Variants in ATRNL1 observed in about 807,000 individuals in gnomAD.
ATRNL1 encodes the protein attractin like 1, also known as attractin-like protein 1.
A neutral mutation model predicts 182.7 loss-of-function variants in ATRNL1; 95 were observed. That is an observed-to-expected ratio of 0.52 (90% confidence interval 0.44 to 0.62). The LOEUF (loss-of-function observed/expected upper bound fraction) is 0.62. Among genes scored for constraint, ATRNL1 ranks in the 20% least tolerant of loss-of-function variants. The pLI, the probability that ATRNL1 is intolerant of heterozygous loss-of-function variation, is 0.00. For synonymous variants in ATRNL1, 576 were observed against 568.3 expected (o/e 1.01, Z -0.19); for missense variants, 1,471 against 1,679.5 (o/e 0.88, Z 2.17).
intron 27 of ATRNL1, among the ~76,000 whole-genome samples, chr10:115,837,466 CCACACACACACACACACACACA>C (rs71010052): frequency 0.03 from 4,116 of 135,036 alleles, 113 homozygotes; most frequent in Non-Finnish European, 0.042. Flanking sequence ...GCTTCCCAAG[CCACACACACACACACACACACA>C]CACACACACA....
chr10:115,406,941 A>G (rs1844860900), intron 20 of ATRNL1, among the ~76,000 whole-genome samples: 1 of 152,108 alleles, frequency 6.6e-6, no homozygotes, highest in South Asian at 2.1e-4. Context: ...CTCCATTATC[A>G]AGTAGTATTC....
intron 24 of ATRNL1, among the ~76,000 whole-genome samples, chr10:115,495,625 G>A (rs75148966): frequency 0.02 from 2,968 of 151,676 alleles, 64 homozygotes; most frequent in East Asian, 0.12. Flanking sequence ...TGATTTTATA[G>A]TTTCGAGTGA....
At chr10:115,452,427 G>T (rs1028411678) in intron 21 of ATRNL1, among the ~76,000 whole-genome samples, 9 of 151,904 alleles carry the variant, frequency 5.9e-5, no homozygotes, top group Admixed American at 2.6e-4. Flanking sequence ...AGCTGAAATT[G>T]ATTTTTATGT....
chr10:115,670,393 A>G (rs781977216), intron 26 of ATRNL1, among the ~76,000 whole-genome samples: 1 of 152,128 alleles, frequency 6.6e-6, no homozygotes, highest in Non-Finnish European at 1.5e-5. Context: ...CTGCAGTGAA[A>G]AAGAATGCAA....
At chr10:115,283,526 T>C (rs1852469185) in intron 14 of ATRNL1, among the ~76,000 whole-genome samples, 1 of 152,178 alleles carries the variant, frequency 6.6e-6, no homozygotes, top group Non-Finnish European at 1.5e-5. Context: ...TGTGCATGTG[T>C]GCTCATTTTG....
chr10:115,162,095 A>G (rs1400536888), intron 6 of ATRNL1, among the ~76,000 whole-genome samples: 1 of 152,048 alleles, frequency 6.6e-6, no homozygotes, highest in African/African-American at 2.4e-5. Context: ...ATATCATTGG[A>G]TATAACAAAT....
At chr10:115,426,115 T>G in intron 20 of ATRNL1, 135 bp from the exon 21 acceptor site, 1 of 589,366 alleles carries the variant, frequency 1.7e-6, no homozygotes, top group Middle Eastern at 4.3e-4. Flanking sequence ...CAAAGATGTG[T>G]TTTTGAAATT....
chr10:115,897,894 T>C (rs1952248732), intron 28 of ATRNL1, among the ~76,000 whole-genome samples: 1 of 152,192 alleles, frequency 6.6e-6, no homozygotes, highest in South Asian at 2.1e-4. Flanking sequence ...TTTAAAATTA[T>C]TAGCAACATT....
At chr10:115,499,132 T>C (rs1849691167) in intron 24 of ATRNL1, among the ~76,000 whole-genome samples, 1 of 152,136 alleles carries the variant, frequency 6.6e-6, no homozygotes, top group Non-Finnish European at 1.5e-5. Flanking sequence ...AATACAGGTA[T>C]CATTATAATT....
chr10:115,524,154 C>T (rs754082018), intron 25 of ATRNL1, among the ~76,000 whole-genome samples: 2 of 152,124 alleles, frequency 1.3e-5, no homozygotes, highest in Non-Finnish European at 2.9e-5. Flanking sequence ...GAACATGAGA[C>T]ACAACGATGG....
intron 27 of ATRNL1, among the ~76,000 whole-genome samples, chr10:115,843,229 T>C (rs1441961665): frequency 2.6e-5 from 4 of 152,024 alleles, no homozygotes; most frequent in Non-Finnish European, 4.4e-5. Context: ...TAATAAAACA[T>C]TGGGAGACAT....
chr10:115,094,436 T>C (rs1042734528), intron 1 of ATRNL1, among the ~76,000 whole-genome samples: 1 of 152,350 alleles, frequency 6.6e-6, no homozygotes, highest in East Asian at 1.9e-4. Context: ...ATGCGCATTG[T>C]GAAAAATTCA....
chr10:115,648,880 G>A lies in ATRNL1; in HGVS notation c.3796-78368G>A, dbSNP rs11197374. On this transcript the variant is annotated intron_variant, in intron 26 of 28. Transcript: ENST00000355044. ...CACACTTTGTTGTGTGCCATTTTGT[G>A]GTAGAACATTTGTGTGTGAATTCTC... Among the ~76,000 whole-genome samples the A allele has an allele frequency of 6.2e-4, 94 of 152,202 alleles. 1 individual carries two copies. In the East Asian group the frequency reaches 0.017, roughly 27 times the overall value.
At chr10:115,632,369 C>T (rs144816099) in intron 26 of ATRNL1, among the ~76,000 whole-genome samples, 79 of 152,058 alleles carry the variant, frequency 5.2e-4, no homozygotes, top group African/African-American at 1.9e-3. Flanking sequence ...AAATAAAAAT[C>T]AATGCTTGAT....
Position 115,119,989 on chromosome 10 carries a change from C to G in ATRNL1, c.294-196C>G, listed in dbSNP as rs543900591. On this transcript the variant is annotated intron_variant, in intron 1 of 28. Transcript: ENST00000355044. ...ATGATATATTAAGATTTAAAGAAATCCAAAATAAGTATCTTTTGAGATGCA... is the reference window on the plus strand; with the variant it reads ...ATGATATATTAAGATTTAAAGAAATGCAAAATAAGTATCTTTTGAGATGCA... Among the ~76,000 whole-genome samples, 91 of 152,114 alleles carry G rather than the reference C, an allele frequency of 6.0e-4. 1 individual carries two copies. Among genetic ancestry groups the G allele is most frequent in the African/African-American group, 2.0e-3 (82 of 41,536 alleles).
intron 7 of ATRNL1, among the ~76,000 whole-genome samples, chr10:115,166,621 G>A (rs1464148735): frequency 6.6e-6 from 1 of 151,862 alleles, no homozygotes; most frequent in African/African-American, 2.4e-5. Flanking sequence ...GTATCTCACT[G>A]TGATTTTGAT....
intron 8 of ATRNL1, among the ~76,000 whole-genome samples, chr10:115,202,433 TA>T (rs1309507037): frequency 6.6e-6 from 1 of 151,730 alleles, no homozygotes; most frequent in Non-Finnish European, 1.5e-5. Flanking sequence ...TGAGAGTTTT[TA>T]GCATGAAGGG....
rs59256867 is a variant in ATRNL1, at chr10:115,403,257, C to CTTTTTTTTTTTTTTTTTTTTTTTTT, written c.3269+8524_3269+8525insTTTTTTTTTTTTTTTTTTTTTTTTT. ...CTTTATTTTTCCTAATTACTCTCAT[C>CTTTTTTTTTTTTTTTTTTTTTTTTT]TTTTTTTTTTTTTTTTTTTAGTCTG... On this transcript the variant is annotated intron_variant, in intron 20 of 28. Transcript: ENST00000355044. Among the ~76,000 whole-genome samples the CTTTTTTTTTTTTTTTTTTTTTTTTT allele has an allele frequency of 5.6e-4, 60 of 107,462 alleles. 6 individuals are homozygous for CTTTTTTTTTTTTTTTTTTTTTTTTT. Among genetic ancestry groups the CTTTTTTTTTTTTTTTTTTTTTTTTT allele is most frequent in the African/African-American group, 2.9e-3 (59 of 20,368 alleles). The allele number at this position is 107,462 out of a possible 152,430, so 70.5% of individuals were successfully genotyped here. A position where few individuals can be genotyped will look rare whatever the true frequency, so the allele number is the denominator to read the frequency against.
intron 26 of ATRNL1, among the ~76,000 whole-genome samples, chr10:115,582,973 G>T (rs1257351812): frequency 6.8e-6 from 1 of 146,978 alleles, no homozygotes; most frequent in Non-Finnish European, 1.5e-5. Context: ...TGGCTAGCCA[G>T]TTTTCCCAGC....
Sources: gnomAD v4.1 joint callset for allele counts (sites outside exome capture counted in the v4.1 genomes callset) on GRCh38, gnomAD v4.1.1 for gene constraint, MANE v1.5 for transcripts, NCBI Gene and HGNC (gene_info 2026-07-23, HGNC 2026-07-21) for gene names.